Variants in CACNA1C observed in about 807,000 individuals in gnomAD.
CACNA1C encodes voltage-dependent L-type calcium channel subunit alpha-1C.
Under a neutral mutation model 229.0 loss-of-function variants are expected in CACNA1C, and 30 were observed. The ratio of observed to expected loss-of-function variants is 0.13; its 90% CI spans 0.10 to 0.18. The LOEUF (loss-of-function observed/expected upper bound fraction) is 0.18, where lower values mean the gene tolerates loss of function less well. Ranked by LOEUF, CACNA1C falls within the 10% of genes least tolerant of loss-of-function variation. CACNA1C has a pLI of 1.00. For missense variants in CACNA1C, 1,658 were observed against 2,845.0 expected, an observed-to-expected ratio of 0.58 and a Z score of 9.49; for synonymous variants, 1,114 against 1,132.5, an observed-to-expected ratio of 0.98 and a Z score of 0.33.
rs1306587518 is a variant in CACNA1C at position 2,467,001 on chromosome 12, A to G, written c.757+9295A>G. 6.6e-6 allele frequency among the ~76,000 whole-genome samples: 1 copy of G among 152,098 alleles called. No individual in the cohort carries two copies. The highest frequency in any genetic ancestry group is 1.5e-5 in the Non-Finnish European group (1 of 68,020). On this transcript the variant is annotated intron_variant, in intron 5 of 46. Coordinates refer to ENST00000399655, the MANE Select transcript of CACNA1C (RefSeq NM_000719.7). The surrounding 1 kb of genome is among the most constrained non-coding windows in gnomAD (Gnocchi z 4.6). ...GTCTTATAGGGGTCTTACAGGCCAC[A>G]TACCCTTAAACAACATGAGGGGACA...
At chr12:2,408,933 C>T (rs2098771895) in intron 3 of CACNA1C, among the ~76,000 whole-genome samples, 1 of 152,200 alleles carries the variant, frequency 6.6e-6, no homozygotes. Context: ...TATTGCCATC[C>T]TCCGTGACAT....
intron 9 of CACNA1C, among the ~76,000 whole-genome samples, chr12:2,516,285 G>A (rs1418600366): frequency 6.6e-6 from 1 of 152,162 alleles, no homozygotes; most frequent in Non-Finnish European, 1.5e-5. Context: ...AGAGGAGGGA[G>A]TAAGGGGGTG....
At chr12:2,641,727 C>T (rs2239124) in intron 30 of CACNA1C, 116,500 of 702,300 alleles carry the variant, frequency 0.17, 10,070 homozygotes, top group Middle Eastern at 0.24. Flanking sequence ...AGGCGATGCT[C>T]AACCTGCAGG....
rs117222543 is a variant in CACNA1C, at chr12:2,201,448, G to A, written c.477+81018G>A. On this transcript the variant is annotated intron_variant, in intron 3 of 46. Coordinates refer to ENST00000399655, the MANE Select transcript of CACNA1C (RefSeq NM_000719.7). ...AGCCTGGCTCCTCCTCTTAGGAGTC[G>A]CATGTCCATACAGAGTCCCAGAGAA... 1.4e-3 allele frequency among the ~76,000 whole-genome samples: 214 copies of A among 152,266 alleles called. 2 individuals are homozygous for A. The highest frequency in any genetic ancestry group is 0.011 in the Admixed American group (164 of 15,304).
At chr12:2,082,496 A>ACC (rs768688249) in intron 1 of CACNA1C, among the ~76,000 whole-genome samples, 1 of 151,596 alleles carries the variant, frequency 6.6e-6, no homozygotes, top group East Asian at 1.9e-4. Context: ...GTCAGACAAC[A>ACC]CCCCCCGCAT....
At chr12:2,240,785 T>G (rs1293514745) in intron 3 of CACNA1C, among the ~76,000 whole-genome samples, 18 of 151,934 alleles carry the variant, frequency 1.2e-4, no homozygotes, top group Admixed American at 1.2e-3. Context: ...CTTTTGGCCA[T>G]TTTCCTTGCC....
intron 3 of CACNA1C, among the ~76,000 whole-genome samples, chr12:2,358,516 C>T (rs116992907): frequency 0.021 from 3,269 of 152,238 alleles, 59 homozygotes; most frequent in Non-Finnish European, 0.031. Flanking sequence ...ACTATACTCT[C>T]TAAAGTCAGT....
At chr12:2,242,462 A>G (rs2154375538) in intron 3 of CACNA1C, among the ~76,000 whole-genome samples, 1 of 152,326 alleles carries the variant, frequency 6.6e-6, no homozygotes, top group East Asian at 1.9e-4. Flanking sequence ...TCACTGAGGA[A>G]GTCTGTGCCC....
chr12:2,332,289 A>G (rs918600196), intron 3 of CACNA1C, among the ~76,000 whole-genome samples: 1 of 152,242 alleles, frequency 6.6e-6, no homozygotes, highest in Non-Finnish European at 1.5e-5. Context: ...ATCTAGGGGA[A>G]GCATCTATGT....
chr12:2,223,905 CTA>C (rs1203005761), intron 3 of CACNA1C, among the ~76,000 whole-genome samples: 3 of 152,108 alleles, frequency 2.0e-5, no homozygotes, highest in Admixed American at 1.3e-4. Context: ...CAAATATATT[CTA>C]GTTTATTTAT....
intron 1 of CACNA1C, among the ~76,000 whole-genome samples, chr12:1,981,916 G>A (rs1370483801): frequency 6.6e-6 from 1 of 152,168 alleles, no homozygotes; most frequent in African/African-American, 2.4e-5. Flanking sequence ...TTCTGGGAAA[G>A]TGTATATGTA....
At chr12:2,517,882 A>G (rs2099800620) in intron 9 of CACNA1C, among the ~76,000 whole-genome samples, 1 of 152,258 alleles carries the variant, frequency 6.6e-6, no homozygotes, top group African/African-American at 2.4e-5. Flanking sequence ...AAACACATCT[A>G]TTAAATATCC....
intron 1 of CACNA1C, chr12:2,004,566 C>G: frequency 7.7e-7 from 1 of 1,305,690 alleles, no homozygotes; most frequent in Non-Finnish European, 1.0e-6. Flanking sequence ...TCCAGTCACC[C>G]CCACCCTCCT....
At chr12:2,051,248 T>C (rs1454552091), upstream of CACNA1C, among the ~76,000 whole-genome samples, 1 of 152,108 alleles carries the variant, frequency 6.6e-6, no homozygotes. Context: ...GGCCTTACAA[T>C]GTGCGTGTGT....
At chr12:2,022,192 G>A (rs568043097) in intron 1 of CACNA1C, among the ~76,000 whole-genome samples, 5 of 152,278 alleles carry the variant, frequency 3.3e-5, no homozygotes, top group Non-Finnish European at 5.9e-5. Flanking sequence ...GTGTGTGTGC[G>A]AGTGCTCTAT....
intron 3 of CACNA1C, among the ~76,000 whole-genome samples, chr12:2,198,782 G>A (rs1566326811): frequency 6.6e-6 from 1 of 152,168 alleles, no homozygotes; most frequent in South Asian, 2.1e-4. Flanking sequence ...GCTGTGGCCG[G>A]CCCTCATTCC....
intron 3 of CACNA1C, among the ~76,000 whole-genome samples, chr12:2,399,066 C>A (rs1341270716): frequency 6.6e-6 from 1 of 152,130 alleles, no homozygotes; most frequent in East Asian, 1.9e-4. Context: ...GGGGTGGCTC[C>A]TTTGCTCGGC....
intron 3 of CACNA1C, among the ~76,000 whole-genome samples, chr12:2,409,939 A>T (rs1014218022): frequency 3.3e-5 from 5 of 152,196 alleles, no homozygotes; most frequent in African/African-American, 9.7e-5. Context: ...CAGGAGAGGA[A>T]GGGAGAGCAC....
intron 3 of CACNA1C, among the ~76,000 whole-genome samples, chr12:2,237,961 A>T (rs1600209930): frequency 6.6e-6 from 1 of 152,232 alleles, no homozygotes; most frequent in Non-Finnish European, 1.5e-5. Context: ...CGACAATGAT[A>T]GGTTTTAGTA....
Sources: gnomAD v4.1 joint callset for allele counts (sites outside exome capture counted in the v4.1 genomes callset) on GRCh38, gnomAD v4.1.1 for gene constraint, Gnocchi (gnomAD v3.1) non-coding constraint, MANE v1.5 for transcripts, NCBI Gene and HGNC (gene_info 2026-07-23, HGNC 2026-07-21) for gene names.